Variants in SEPTIN4 observed in about 807,000 individuals in gnomAD.
The protein encoded by SEPTIN4 is septin-4.
Under a neutral mutation model 107.1 loss-of-function variants are expected in SEPTIN4, and 52 were observed. That is an observed-to-expected ratio of 0.49 (90% confidence interval 0.39 to 0.61). SEPTIN4 has a LOEUF of 0.61. Ranked by LOEUF, SEPTIN4 falls within the 20% of genes least tolerant of loss-of-function variation. The pLI is 0.00. For synonymous variants in SEPTIN4, 417 were observed against 467.0 expected, an observed-to-expected ratio of 0.89 and a Z score of 1.38; for missense variants, 1,048 against 1,243.5, an observed-to-expected ratio of 0.84 and a Z score of 2.36.
In SEPTIN4 at chr17:58,521,408, C is replaced by A; in HGVS notation, c.2572-58G>T. 1 of 1,583,668 alleles carries A rather than the reference C, an allele frequency of 6.3e-7. No homozygotes were observed. The highest frequency in any genetic ancestry group is 8.7e-7 in the Non-Finnish European group (1 of 1,152,458). ...TCTGTTCTCACCTCTTTCTTTCCACCTGTATCGTCATCTTCTCTGCTTCAT... is the reference window on the plus strand; with the variant it reads ...TCTGTTCTCACCTCTTTCTTTCCACATGTATCGTCATCTTCTCTGCTTCAT... On this transcript the variant is annotated intron_variant, in intron 10 of 13. Transcript: ENST00000672673. The surrounding 1 kb of genome is among the most constrained non-coding windows in gnomAD (Gnocchi z 6.4).
In SEPTIN4 at chr17:58,541,909, G is replaced by C. The variant is rs533801946; in HGVS notation, c.1606+13C>G. The C allele has an allele frequency of 1.2e-6, 2 of 1,614,040 alleles. No individual in the cohort carries two copies. Among genetic ancestry groups the C allele is most frequent in the South Asian group, 2.2e-5 (2 of 91,074 alleles). Reference sequence around the variant, plus strand: ...GCTCCCACAGTGGGCCCATAGGAGGGAAAAGCACAGACCTTTTAGCCACCA... The same window carrying C: ...GCTCCCACAGTGGGCCCATAGGAGGCAAAAGCACAGACCTTTTAGCCACCA... On this transcript the variant is annotated intron_variant, in intron 2 of 13. Transcript: ENST00000672673.
rs997647813 is a variant in SEPTIN4 at position 58,538,861 on chromosome 17, A to C, written c.1614+1805T>G. ...CCAGAGAGGCTTGTGAAGCTCAACAACAAACATGATGCCTTCCACAAGCCA... is the reference window on the plus strand; with the variant it reads ...CCAGAGAGGCTTGTGAAGCTCAACACCAAACATGATGCCTTCCACAAGCCA... On this transcript the variant is annotated intron_variant, in intron 3 of 13. Transcript: ENST00000672673. This position sits in a 1 kb window ranked among gnomAD's most constrained non-coding sequence, Gnocchi z 4.7. Among the ~76,000 whole-genome samples the C allele has an allele frequency of 1.3e-5, 2 of 152,234 alleles. No homozygotes were observed. Among genetic ancestry groups the C allele is most frequent in the Non-Finnish European group, 2.9e-5 (2 of 68,040 alleles).
rs73321673 is a variant in SEPTIN4, at chr17:58,540,184, G to A, written c.1614+482C>T. Among the ~76,000 whole-genome samples the A allele has an allele frequency of 9.1e-3, 1,392 of 152,276 alleles. 24 individuals carry two copies. Among genetic ancestry groups the A allele is most frequent in the African/African-American group, 0.031 (1,285 of 41,548 alleles). On this transcript the variant is annotated intron_variant, in intron 3 of 13. Transcript: ENST00000672673. ...TCAGGACACTGCCAAATCAGGACAC[G>A]GGACTGCTGACAGCAGAGTCCACCT... is the stretch of plus-strand genomic sequence containing the variant.
Position 58,521,817 on chromosome 17 carries a change from C to G in SEPTIN4, c.2388G>C (p.Leu796=). 1.2e-6 allele frequency: 2 copies of G among 1,614,226 alleles called. No individual in the cohort carries two copies. Among genetic ancestry groups the G allele is most frequent in the Non-Finnish European group, 8.5e-7 (1 of 1,180,042 alleles). The change falls in exon 9 of 14, where the codon CTG becomes CTC. Residue 796 remains leucine, a synonymous_variant. Transcript: ENST00000672673. The surrounding 1 kb of genome is among the most constrained non-coding windows in gnomAD (Gnocchi z 6.4). ...TAGGCACGATGTTGACCCGCTGATG[C>G]AGGGCCTTCATGAATTCAACATCCA... is the stretch of plus-strand genomic sequence containing the variant. ...RPLDVEFMKA[L]HQRVNIVPIL...
At chr17:58,530,451 G>A (rs1340125768) in intron 3 of SEPTIN4, 1 of 152,288 alleles carries the variant, frequency 6.6e-6, no homozygotes, top group East Asian at 1.9e-4. Context: ...CTTTGACAAA[G>A]AGACCCTCAT....
intron 4 of SEPTIN4, 111 bp from the exon 5 acceptor site, chr17:58,526,424 T>C (rs2042883434): frequency 9.4e-6 from 13 of 1,381,272 alleles, no homozygotes; most frequent in Non-Finnish European, 1.1e-5. Flanking sequence ...AAAAAAGCAG[T>C]GCCAGACTTC....
intron 3 of SEPTIN4, among the ~76,000 whole-genome samples, chr17:58,535,048 C>A (rs1475021450): frequency 2.0e-5 from 3 of 152,252 alleles, no homozygotes; most frequent in Admixed American, 2.0e-4. Context: ...AGATGAGTCA[C>A]TGACGATACA....
chr17:58,520,321 C>G lies in SEPTIN4; in HGVS notation c.*105G>C. ...CTGGGCAGTCAGCAGGGATGTAAGG[C>G]GAAGTGGCAGTAGCTGAAGGGGCCT... On this transcript the variant is annotated 3_prime_UTR_variant, in exon 14 of 14. Transcript: ENST00000672673. The G allele has an allele frequency of 9.9e-7, 1 of 1,013,166 alleles. No homozygotes were observed. 62.8% of individuals were successfully genotyped at this position (1,013,166 alleles called of 1,614,324 possible).
intron 5 of SEPTIN4, 130 bp from the exon 6 acceptor site, chr17:58,525,911 C>T: frequency 1.1e-6 from 1 of 885,742 alleles, no homozygotes; most frequent in South Asian, 1.7e-5. Context: ...CAAACTATAG[C>T]ATTTTAGAGC....
At chr17:58,528,978 G>A (rs765973) in intron 3 of SEPTIN4, 134,213 of 992,354 alleles carry the variant, frequency 0.14, 10,249 homozygotes, top group Middle Eastern at 0.18. Context: ...GGACACCAGG[G>A]TCCTCACCTC....
rs3034932 is a variant in SEPTIN4 at position 58,526,573 on chromosome 17, A to AACACACACACACACACACACAC, written c.1911+87_1911+108dup. 2.1e-5 allele frequency: 28 copies of AACACACACACACACACACACAC among 1,303,874 alleles called. No homozygotes were observed. In the African/African-American group the frequency reaches 3.7e-4, roughly 17 times the overall value. The allele number at this position is 1,303,874 out of a possible 1,614,324, so 80.8% of individuals were successfully genotyped here. ...TAGGTCCCAGATACACACACACACA[A>AACACACACACACACACACACAC]ACACACACACACACACACACACACA... On this transcript the variant is annotated intron_variant, in intron 4 of 13. Coordinates refer to ENST00000672673, the MANE Select transcript of SEPTIN4 (RefSeq NM_001368771.2).
intron 3 of SEPTIN4, chr17:58,530,023 G>A (rs1040756442): frequency 2.6e-5 from 4 of 152,358 alleles, no homozygotes; most frequent in East Asian, 1.9e-4. Flanking sequence ...TGAGGAGCAC[G>A]GGTTCAAGGC....
rs756395843 is a variant in SEPTIN4 at position 58,544,015 on chromosome 17, G to C, written c.172C>G (p.Pro58Ala). ...PSHRRSEAAH[P>A]TTPHSASDYP... ...TCTGATGCTGAATGGGGAGTGGTGGGATGTGCAGCTTCTGATCTTCGGTGG... is the reference window on the plus strand; with the variant it reads ...TCTGATGCTGAATGGGGAGTGGTGGCATGTGCAGCTTCTGATCTTCGGTGG... The change falls in exon 1 of 14, where the codon CCC becomes GCC. Residue 58 changes from proline to alanine, a missense_variant. Physicochemically the swap from Pro to Ala is conservative, Grantham distance 27. Transcript: ENST00000672673. The C allele has an allele frequency of 5.6e-6, 9 of 1,614,102 alleles. No homozygotes were observed. The highest frequency in any genetic ancestry group is 7.6e-6 in the Non-Finnish European group (9 of 1,179,976).
At chr17:58,540,330 G>A (rs575473530) in intron 3 of SEPTIN4, among the ~76,000 whole-genome samples, 47 of 152,238 alleles carry the variant, frequency 3.1e-4, no homozygotes, top group African/African-American at 1.0e-3. Flanking sequence ...CTACCTAGAC[G>A]GCCTTCCCAC....
At chr17:58,525,437 T>A (rs769911425) in intron 6 of SEPTIN4, 1 of 618,754 alleles carries the variant, frequency 1.6e-6, no homozygotes, top group Non-Finnish European at 2.8e-6. Context: ...TCCCGGTTTT[T>A]TTCTTGGATT....
intron 7 of SEPTIN4, among the ~76,000 whole-genome samples, chr17:58,523,493 T>C (rs1271852551): frequency 1.3e-5 from 2 of 152,170 alleles, no homozygotes; most frequent in South Asian, 2.1e-4. Flanking sequence ...CCACTACACA[T>C]TGCCTGACCC....
At position 58,525,682 on chromosome 17, in the gene SEPTIN4, C is replaced by T; in HGVS notation, c.2092+13G>A. On this transcript the variant is annotated intron_variant, in intron 6 of 13. Coordinates refer to ENST00000672673, the MANE Select transcript of SEPTIN4 (RefSeq NM_001368771.2). ...CAAGGCAAGTCTGCCTGATTGTCCT[C>T]TCCTTTCCTTACCTTCAGCACCAAG... 6.2e-7 allele frequency: 1 copy of T among 1,611,642 alleles called. No individual in the cohort carries two copies. The highest frequency in any genetic ancestry group is 8.5e-7 in the Non-Finnish European group (1 of 1,177,750).
Position 58,543,465 on chromosome 17 carries a change from C to A in SEPTIN4, c.722G>T (p.Arg241Ile), listed in dbSNP as rs2043939485. 1 of 1,614,226 alleles carries A rather than the reference C, an allele frequency of 6.2e-7. No individual in the cohort carries two copies. Among genetic ancestry groups the A allele is most frequent in the East Asian group, 2.2e-5 (1 of 44,878 alleles). Residue 241 changes from arginine (R) to isoleucine (I), a missense_variant, in exon 1 of 14, where the codon AGA (arginine) becomes ATA (isoleucine). By Grantham distance (97) the Arg-to-Ile change is moderately conservative (BLOSUM62 -3). Around this residue, in one of 2 missense-constraint regions of SEPTIN4, gnomAD observed 787 missense variants for 871.8 expected, o/e 0.90. Transcript: ENST00000672673. Reference protein sequence around the residue: ...CVSADYQTAQRRVPVEESETG... With the variant: ...CVSADYQTAQIRVPVEESETG... The stretch of plus-strand genomic sequence containing the variant: ...TTCTGATTCTTCTACAGGGACCCTT[C>A]TCTGGGCTGTCTGATAGTCTGCAGA...
At chr17:58,525,229 G>C (rs2042717348) in intron 6 of SEPTIN4, 28 bp from the exon 7 acceptor site, 1 of 1,611,096 alleles carries the variant, frequency 6.2e-7, no homozygotes, top group Non-Finnish European at 8.5e-7. Context: ...TGAGGCCAGG[G>C]CAAGGGCAGG....
Sources: allele counts gnomAD v4.1 joint callset (sites outside exome capture counted in the v4.1 genomes callset), GRCh38; gene constraint gnomAD v4.1.1; regional missense constraint gnomAD v4.1.1; non-coding constraint Gnocchi (gnomAD v3.1); transcripts MANE v1.5; gene names NCBI Gene and HGNC (gene_info 2026-07-23, HGNC 2026-07-21).